The following AHCYL2 variants were observed in gnomAD, a reference collection of about 807,000 sequenced individuals.
The protein encoded by AHCYL2 is adenosylhomocysteinase like 2.
A neutral mutation model predicts 81.4 loss-of-function variants in AHCYL2; 28 were observed. That is an observed-to-expected ratio of 0.34 (90% CI 0.25 to 0.47). The LOEUF (loss-of-function observed/expected upper bound fraction) is 0.47. Ranked by LOEUF, AHCYL2 falls within the 20% of genes least tolerant of loss-of-function variation. AHCYL2 has a pLI of 1.00. For missense variants in AHCYL2, 551 were observed against 785.1 expected, an observed-to-expected ratio of 0.70 and a Z score of 3.56; for synonymous variants, 272 against 290.2, an observed-to-expected ratio of 0.94 and a Z score of 0.64.
At chr7:129,387,664 T>C (rs1795261984) in intron 2 of AHCYL2, among the ~76,000 whole-genome samples, 1 of 152,222 alleles carries the variant, frequency 6.6e-6, no homozygotes. Flanking sequence ...TATTTCTGAA[T>C]ATTGATTAGT....
At chr7:129,387,617 T>C (rs1281961277) in intron 2 of AHCYL2, among the ~76,000 whole-genome samples, 2 of 152,252 alleles carry the variant, frequency 1.3e-5, no homozygotes, top group African/African-American at 4.8e-5. Flanking sequence ...TCTCAGGTGG[T>C]AGAAGCATGG....
At chr7:129,344,636 A>G (rs1012258323) in intron 1 of AHCYL2, among the ~76,000 whole-genome samples, 1 of 152,158 alleles carries the variant, frequency 6.6e-6, no homozygotes, top group African/African-American at 2.4e-5. Context: ...GTAACCAAAA[A>G]TTATAAGTGT....
intron 1 of AHCYL2, among the ~76,000 whole-genome samples, chr7:129,324,602 GCCT>G (rs1240831442): frequency 6.6e-6 from 1 of 152,128 alleles, no homozygotes; most frequent in Non-Finnish European, 1.5e-5. Flanking sequence ...TGCAAGCTCT[GCCT>G]CCCGGGTTCA....
intron 1 of AHCYL2, among the ~76,000 whole-genome samples, chr7:129,341,781 A>G (rs1287929491): frequency 1.3e-5 from 2 of 152,190 alleles, no homozygotes; most frequent in Non-Finnish European, 2.9e-5. Flanking sequence ...GGAATAACAC[A>G]CTCATGGTTA....
At chr7:129,359,928 T>G (rs997108052) in intron 1 of AHCYL2, among the ~76,000 whole-genome samples, 1 of 152,180 alleles carries the variant, frequency 6.6e-6, no homozygotes, top group African/African-American at 2.4e-5. Flanking sequence ...GATTAGTCAG[T>G]GGCAAGGAGG....
chr7:129,378,032 A>G (rs1237306063), intron 1 of AHCYL2, among the ~76,000 whole-genome samples: 2 of 152,154 alleles, frequency 1.3e-5, no homozygotes, highest in African/African-American at 4.8e-5. Flanking sequence ...TTTACTTACT[A>G]GCCAGGCGTG....
chr7:129,389,853 C>A, intron 4 of AHCYL2, 119 bp downstream of exon 4: 3 of 710,172 alleles, frequency 4.2e-6, no homozygotes, highest in South Asian at 5.0e-5. Flanking sequence ...CTTATTAATC[C>A]TTATAATGGC....
chr7:129,376,598 T>C (rs1794699818), intron 1 of AHCYL2, among the ~76,000 whole-genome samples: 1 of 152,242 alleles, frequency 6.6e-6, no homozygotes, highest in South Asian at 2.1e-4. Context: ...GAGATGATAA[T>C]GCAGCTAGAT....
At chr7:129,417,930 TA>T (rs1796935519) in intron 12 of AHCYL2, among the ~76,000 whole-genome samples, 1 of 152,196 alleles carries the variant, frequency 6.6e-6, no homozygotes, top group Admixed American at 6.5e-5. Flanking sequence ...AATAGCAAGA[TA>T]AGGGTATTGG....
intron 1 of AHCYL2, among the ~76,000 whole-genome samples, chr7:129,314,333 T>G (rs895650082): frequency 6.6e-6 from 1 of 152,258 alleles, no homozygotes; most frequent in Non-Finnish European, 1.5e-5. Flanking sequence ...GATTATATTA[T>G]GTTTTTCTTT....
chr7:129,284,687 A>C (rs976910724), intron 1 of AHCYL2, among the ~76,000 whole-genome samples: 2 of 152,006 alleles, frequency 1.3e-5, no homozygotes, highest in African/African-American at 2.4e-5. Context: ...TATGAAGATA[A>C]GGAATCTCTT....
intron 1 of AHCYL2, among the ~76,000 whole-genome samples, chr7:129,325,480 T>A (rs536224610): frequency 6.6e-6 from 1 of 152,284 alleles, no homozygotes; most frequent in African/African-American, 2.4e-5. Context: ...TTTGAGCAAT[T>A]TGATTGTGAT....
intron 1 of AHCYL2, among the ~76,000 whole-genome samples, chr7:129,313,985 A>G (rs1203895029): frequency 1.3e-5 from 2 of 152,244 alleles, no homozygotes; most frequent in Non-Finnish European, 2.9e-5. Context: ...GGGCACAGCC[A>G]TTAGAGAATA....
chr7:129,356,936 G>A (rs756364103), intron 1 of AHCYL2, among the ~76,000 whole-genome samples: 1 of 152,186 alleles, frequency 6.6e-6, no homozygotes, highest in East Asian at 1.9e-4. Flanking sequence ...ATAAGGAATT[G>A]AATTAACTGA....
At chr7:129,269,632 C>CA (rs1795938421) in intron 1 of AHCYL2, among the ~76,000 whole-genome samples, 1 of 151,860 alleles carries the variant, frequency 6.6e-6, no homozygotes, top group African/African-American at 2.4e-5. Flanking sequence ...ATGGGGGTCT[C>CA]ACTATGTTGC....
At chr7:129,362,975 T>A (rs933041395) in intron 1 of AHCYL2, among the ~76,000 whole-genome samples, 1 of 152,146 alleles carries the variant, frequency 6.6e-6, no homozygotes, top group Admixed American at 6.5e-5. Flanking sequence ...CCTAAGCACA[T>A]ACTCACTGAC....
intron 1 of AHCYL2, among the ~76,000 whole-genome samples, chr7:129,284,616 A>T (rs1371218853): frequency 1.3e-5 from 2 of 151,762 alleles, no homozygotes; most frequent in Non-Finnish European, 2.9e-5. Context: ...AAAAAAAAAA[A>T]AAAGCTTGGA....
chr7:129,252,863 G>C (rs1795289983), intron 1 of AHCYL2, among the ~76,000 whole-genome samples: 2 of 152,022 alleles, frequency 1.3e-5, no homozygotes, highest in African/African-American at 4.8e-5. Flanking sequence ...TGACAAGTCT[G>C]TGTCCCACTT....
At chr7:129,302,754 T>C (rs1436376927) in intron 1 of AHCYL2, among the ~76,000 whole-genome samples, 6 of 152,338 alleles carry the variant, frequency 3.9e-5, no homozygotes, top group East Asian at 1.9e-4. Context: ...TTGTTGAATT[T>C]GATTTGTTAG....
Sources: allele counts gnomAD v4.1 joint callset (sites outside exome capture counted in the v4.1 genomes callset), GRCh38; gene constraint gnomAD v4.1.1; transcripts MANE v1.5; gene names NCBI Gene and HGNC (gene_info 2026-07-23, HGNC 2026-07-21).